The following CSMD3 variants were observed in gnomAD, a reference collection of about 807,000 sequenced individuals.
CSMD3 encodes the protein CUB and sushi domain-containing protein 3.
CSMD3 carries 177 observed loss-of-function variants against 435.2 expected under a neutral mutation model. That is an observed-to-expected ratio of 0.41 (90% CI 0.36 to 0.46). CSMD3 has a LOEUF of 0.46. CSMD3 is among the 20% of genes least tolerant of loss of function. CSMD3 has a pLI of 0.34. For missense variants in CSMD3, 4,265 were observed against 4,504.6 expected, an observed-to-expected ratio of 0.95 and a Z score of 1.52; for synonymous variants, 1,656 against 1,520.5, an observed-to-expected ratio of 1.09 and a Z score of -2.07.
At chr8:113,124,629 A>C (rs1341937351) in intron 4 of CSMD3, among the ~76,000 whole-genome samples, 2 of 151,986 alleles carry the variant, frequency 1.3e-5, no homozygotes, top group Non-Finnish European at 2.9e-5. Flanking sequence ...ATGACTAAGG[A>C]TCAGAAGTCA....
chr8:113,127,922 G>A (rs2091181773), intron 4 of CSMD3, among the ~76,000 whole-genome samples: 1 of 151,938 alleles, frequency 6.6e-6, no homozygotes, highest in African/African-American at 2.4e-5. Flanking sequence ...CTTCAACCCA[G>A]GTCAAACTTT....
At chr8:112,232,323 G>T (rs1813163700) in intron 68 of CSMD3, among the ~76,000 whole-genome samples, 1 of 152,174 alleles carries the variant, frequency 6.6e-6, no homozygotes, top group Non-Finnish European at 1.5e-5. Flanking sequence ...AGAAAGTATT[G>T]TAGTCTAGGT....
At chr8:112,583,742 A>C (rs1830506381) in intron 23 of CSMD3, among the ~76,000 whole-genome samples, 1 of 151,906 alleles carries the variant, frequency 6.6e-6, no homozygotes, top group African/African-American at 2.4e-5. Context: ...ATAATCAGCC[A>C]AGGTTGGTCA....
chr8:113,193,008 C>G (rs930262998), intron 3 of CSMD3, among the ~76,000 whole-genome samples: 47 of 151,426 alleles, frequency 3.1e-4, no homozygotes, highest in Middle Eastern at 3.4e-3. Flanking sequence ...GTTAAGAGAC[C>G]CATTATAACA....
At chr8:112,798,911 A>G (rs773482759) in intron 13 of CSMD3, among the ~76,000 whole-genome samples, 1 of 151,834 alleles carries the variant, frequency 6.6e-6, no homozygotes, top group Non-Finnish European at 1.5e-5. Flanking sequence ...AAGTATGACG[A>G]GGTGAGAGGA....
chr8:112,484,017 T>G (rs906555142), intron 31 of CSMD3, among the ~76,000 whole-genome samples: 1 of 152,206 alleles, frequency 6.6e-6, no homozygotes, highest in East Asian at 1.9e-4. Flanking sequence ...GGTCCTCTAT[T>G]TTTCTTTAAC....
chr8:112,288,532 A>T (rs901138815), intron 57 of CSMD3, among the ~76,000 whole-genome samples: 1 of 152,034 alleles, frequency 6.6e-6, no homozygotes, highest in Non-Finnish European at 1.5e-5. Context: ...ATGTAAAACA[A>T]CTCCTAGTAA....
intron 38 of CSMD3, among the ~76,000 whole-genome samples, chr8:112,377,313 A>C (rs1829036960): frequency 6.6e-6 from 1 of 152,070 alleles, no homozygotes; most frequent in South Asian, 2.1e-4. Flanking sequence ...GGAAACATAA[A>C]ATCTACATGG....
intron 5 of CSMD3, among the ~76,000 whole-genome samples, chr8:113,064,533 T>C (rs1413416820): frequency 6.6e-6 from 1 of 152,162 alleles, no homozygotes; most frequent in African/African-American, 2.4e-5. Context: ...CCAAATGTAT[T>C]TGACACTCTT....
At chr8:112,905,816 T>C (rs2130486055) in intron 10 of CSMD3, among the ~76,000 whole-genome samples, 1 of 151,546 alleles carries the variant, frequency 6.6e-6, no homozygotes, top group East Asian at 2.0e-4. Context: ...TTTGGACTTC[T>C]GCTAGCATCT....
chr8:112,344,155 T>TCTC (rs1825455565), intron 41 of CSMD3, among the ~76,000 whole-genome samples: 2 of 152,178 alleles, frequency 1.3e-5, no homozygotes, highest in African/African-American at 2.4e-5. Flanking sequence ...GTGCTGGGAT[T>TCTC]ACAGGTGTGA....
At chr8:112,410,686 A>ATATATATATGTG (rs1811220438) in intron 32 of CSMD3, among the ~76,000 whole-genome samples, 1 of 108,036 alleles carries the variant, frequency 9.3e-6, no homozygotes, top group Admixed American at 1.1e-4. Flanking sequence ...GTATATATAT[A>ATATATATATGTG]TGTATATATA....
chr8:112,748,222 A>C (rs1452265606), intron 13 of CSMD3, among the ~76,000 whole-genome samples: 2 of 152,196 alleles, frequency 1.3e-5, no homozygotes, highest in African/African-American at 4.8e-5. Context: ...AAAATCAGTA[A>C]GGCTGATGAG....
At chr8:112,368,342 G>A (rs1827987906) in intron 38 of CSMD3, among the ~76,000 whole-genome samples, 1 of 152,146 alleles carries the variant, frequency 6.6e-6, no homozygotes, top group Admixed American at 6.6e-5. Context: ...TGGTAAAAAT[G>A]CAAATACTTG....
chr8:113,003,032 G>A (rs2085923912), intron 6 of CSMD3, among the ~76,000 whole-genome samples: 1 of 152,066 alleles, frequency 6.6e-6, no homozygotes, highest in African/African-American at 2.4e-5. Context: ...CTGAGGTCAG[G>A]AGTTCAAGAC....
chr8:112,472,791 A>G, intron 31 of CSMD3, 84 bp from the exon 32 acceptor site: 2 of 751,400 alleles, frequency 2.7e-6, no homozygotes. Context: ...TATAAAAAAT[A>G]TATGGCTAAT....
At chr8:112,706,320 C>T (rs1464036269) in intron 13 of CSMD3, among the ~76,000 whole-genome samples, 1 of 151,714 alleles carries the variant, frequency 6.6e-6, no homozygotes, top group Non-Finnish European at 1.5e-5. Context: ...TTTATTATTG[C>T]CTACTAAGAA....
intron 2 of CSMD3, among the ~76,000 whole-genome samples, chr8:113,283,059 T>G (rs982639751): frequency 6.6e-6 from 1 of 152,052 alleles, no homozygotes; most frequent in African/African-American, 2.4e-5. Flanking sequence ...TGGATCCTCA[T>G]CTTTCACCTT....
Position 112,223,666 on chromosome 8 carries a change from G to A in CSMD3, c.*1105C>T, listed in dbSNP as rs990861969. On this transcript the variant is annotated 3_prime_UTR_variant, in exon 71 of 71. Transcript: ENST00000297405. The stretch of plus-strand genomic sequence containing the variant: ...CAATTGTAGGCAATAAATTTATATT[G>A]GTGATTTATAATAATAATTTTTTTC... 6.6e-6 allele frequency: 1 copy of A among 151,944 alleles called. No homozygotes were observed. Among genetic ancestry groups the A allele is most frequent in the Non-Finnish European group, 1.5e-5 (1 of 67,970 alleles). The allele number at this position is 151,944 out of a possible 1,614,324, so 9.4% of individuals were successfully genotyped here. A position where few individuals can be genotyped will look rare whatever the true frequency, so the allele number is the denominator to read the frequency against.
Sources: gnomAD v4.1 joint callset for allele counts (sites outside exome capture counted in the v4.1 genomes callset) on GRCh38, gnomAD v4.1.1 for gene constraint, MANE v1.5 for transcripts, NCBI Gene and HGNC (gene_info 2026-07-23, HGNC 2026-07-21) for gene names.